EPHB1: variants seen among roughly 807,000 people sequenced by gnomAD.
EPHB1 encodes the protein ephrin type-B receptor 1.
Under a neutral mutation model 94.4 loss-of-function variants are expected in EPHB1, and 30 were observed. The ratio of observed to expected loss-of-function variants is 0.32; its 90% CI spans 0.24 to 0.43. The LOEUF (loss-of-function observed/expected upper bound fraction) is 0.43. EPHB1 is among the 20% of genes least tolerant of loss of function. EPHB1 has a pLI of 1.00. For synonymous variants in EPHB1, 522 were observed against 489.1 expected (o/e 1.07, Z -0.89); for missense variants, 1,055 against 1,308.3 (o/e 0.81, Z 2.99).
intron 12 of EPHB1, among the ~76,000 whole-genome samples, chr3:135,238,233 G>A (rs1943700923): frequency 6.6e-6 from 1 of 152,130 alleles, no homozygotes; most frequent in African/African-American, 2.4e-5. Context: ...CTTTTGTTCT[G>A]CCTCCCAAGT....
chr3:135,146,238 T>C (rs6808930), intron 5 of EPHB1, among the ~76,000 whole-genome samples: 6,209 of 152,296 alleles, frequency 0.041, 424 homozygotes, highest in African/African-American at 0.14. Flanking sequence ...AGAAAAGAGA[T>C]GCCCACAGGG....
chr3:135,249,724 A>C (rs1473969950), intron 15 of EPHB1, among the ~76,000 whole-genome samples: 1 of 152,224 alleles, frequency 6.6e-6, no homozygotes, highest in African/African-American at 2.4e-5. Flanking sequence ...TTATAGCCAT[A>C]TGTCATTTGC....
intron 1 of EPHB1, among the ~76,000 whole-genome samples, chr3:134,883,965 A>G (rs1560281195): frequency 1.3e-5 from 2 of 152,156 alleles, no homozygotes; most frequent in African/African-American, 4.8e-5. Flanking sequence ...CCAGTTTAGG[A>G]GGTGAAGAAA....
At chr3:134,825,657 C>G (rs1420712099) in intron 1 of EPHB1, among the ~76,000 whole-genome samples, 1 of 152,100 alleles carries the variant, frequency 6.6e-6, no homozygotes, top group Non-Finnish European at 1.5e-5. Context: ...GGGAAATTTT[C>G]AAGAAGGAAA....
At chr3:134,890,161 GACGTTT>G (rs2037949662) in intron 1 of EPHB1, among the ~76,000 whole-genome samples, 2 of 152,046 alleles carry the variant, frequency 1.3e-5, no homozygotes, top group Non-Finnish European at 2.9e-5. Context: ...CACTGACTTT[GACGTTT>G]TGTATTTCCA....
At chr3:134,930,204 C>T (rs1437998512) in intron 2 of EPHB1, among the ~76,000 whole-genome samples, 2 of 152,204 alleles carry the variant, frequency 1.3e-5, no homozygotes, top group African/African-American at 4.8e-5. Flanking sequence ...TACTTGAGAA[C>T]TACCAGATAT....
intron 12 of EPHB1, among the ~76,000 whole-genome samples, chr3:135,212,749 G>A (rs1294013157): frequency 2.0e-5 from 3 of 152,190 alleles, no homozygotes; most frequent in African/African-American, 7.2e-5. Flanking sequence ...GACTATGGCT[G>A]CCCTTAGGGA....
intron 4 of EPHB1, among the ~76,000 whole-genome samples, chr3:135,114,724 G>GATAAATAAATAA (rs1485305225): frequency 3.0e-4 from 18 of 60,692 alleles, no homozygotes; most frequent in African/African-American, 9.1e-4. Flanking sequence ...CTCTGTCTCA[G>GATAAATAAATAA]ATAGATAAAT....
intron 15 of EPHB1, among the ~76,000 whole-genome samples, chr3:135,253,568 C>T (rs1419064335): frequency 4.0e-5 from 6 of 150,940 alleles, no homozygotes; most frequent in East Asian, 2.0e-4. Flanking sequence ...TTCCATTGAT[C>T]TATATCTCTG....
chr3:135,018,076 C>T (rs1048545560), intron 3 of EPHB1, among the ~76,000 whole-genome samples: 4 of 151,962 alleles, frequency 2.6e-5, no homozygotes, highest in African/African-American at 9.7e-5. Flanking sequence ...TGGTGTTTAA[C>T]CTGGGCCTTG....
chr3:134,931,291 A>G (rs1480353229), intron 2 of EPHB1, among the ~76,000 whole-genome samples: 1 of 152,220 alleles, frequency 6.6e-6, no homozygotes, highest in Admixed American at 6.5e-5. Flanking sequence ...TGGATTAGAA[A>G]GGCAAACCTA....
intron 1 of EPHB1, among the ~76,000 whole-genome samples, chr3:134,836,104 C>T (rs186884331): frequency 4.8e-4 from 73 of 152,284 alleles, no homozygotes; most frequent in Non-Finnish European, 1.5e-4. Context: ...ATGGGCCCTC[C>T]CTCATGGAGA....
intron 1 of EPHB1, among the ~76,000 whole-genome samples, chr3:134,909,954 C>T (rs1427410108): frequency 1.3e-5 from 2 of 152,156 alleles, no homozygotes; most frequent in African/African-American, 4.8e-5. Context: ...ATCAGCCAAC[C>T]CCAGGAAGAT....
At chr3:135,217,249 G>C (rs1236150418) in intron 12 of EPHB1, among the ~76,000 whole-genome samples, 1 of 152,110 alleles carries the variant, frequency 6.6e-6, no homozygotes, top group South Asian at 2.1e-4. Flanking sequence ...GGGCAGTGCT[G>C]AGGATAGGCA....
intron 4 of EPHB1, among the ~76,000 whole-genome samples, chr3:135,115,560 G>A (rs774375017): frequency 2.1e-4 from 32 of 152,148 alleles, no homozygotes; most frequent in East Asian, 1.9e-4. Context: ...GCTCTTTGAC[G>A]TGCTGATTTG....
At chr3:135,176,720 C>G (rs78505289) in intron 9 of EPHB1, among the ~76,000 whole-genome samples, 255 of 152,310 alleles carry the variant, frequency 1.7e-3, no homozygotes, top group African/African-American at 6.0e-3. Context: ...TAGCTCCTTC[C>G]TTGAACTGAT....
At chr3:135,030,208 CCTT>C (rs1310074985) in intron 3 of EPHB1, among the ~76,000 whole-genome samples, 3 of 152,132 alleles carry the variant, frequency 2.0e-5, no homozygotes, top group Non-Finnish European at 4.4e-5. Context: ...TCGTCTGAAG[CCTT>C]CTTCTCTCAG....
chr3:134,892,365 G>A (rs1037780472), intron 1 of EPHB1, among the ~76,000 whole-genome samples: 1 of 152,210 alleles, frequency 6.6e-6, no homozygotes, highest in Non-Finnish European at 1.5e-5. Context: ...CGGCAAAAGG[G>A]CCTTCACCTC....
chr3:134,899,404 C>A (rs1029106770), intron 1 of EPHB1, among the ~76,000 whole-genome samples: 1 of 152,154 alleles, frequency 6.6e-6, no homozygotes, highest in African/African-American at 2.4e-5. Context: ...CCCAAAACAC[C>A]CAGATCTTGC....
Sources: allele counts gnomAD v4.1 joint callset (sites outside exome capture counted in the v4.1 genomes callset), GRCh38; gene constraint gnomAD v4.1.1; transcripts MANE v1.5; gene names NCBI Gene and HGNC (gene_info 2026-07-23, HGNC 2026-07-21).